GUCY1A2: variants seen among roughly 807,000 people sequenced by gnomAD.
GUCY1A2 encodes guanylate cyclase soluble subunit alpha-2.
A neutral mutation model predicts 63.5 loss-of-function variants in GUCY1A2; 27 were observed. The observed-to-expected ratio is 0.43, with a 90% CI of 0.31 to 0.59. The LOEUF (loss-of-function observed/expected upper bound fraction) is 0.59. Ranked by LOEUF, GUCY1A2 falls within the 20% of genes least tolerant of loss-of-function variation. The probability of loss-of-function intolerance (pLI) is 0.11; values close to 1 mark genes in which losing one functional copy is unlikely to be tolerated. For missense variants in GUCY1A2, 768 were observed against 913.3 expected, an observed-to-expected ratio of 0.84 and a Z score of 2.05; for synonymous variants, 364 against 343.5, an observed-to-expected ratio of 1.06 and a Z score of -0.66.
chr11:106,894,324 G>A (rs1255868617), intron 4 of GUCY1A2, among the ~76,000 whole-genome samples: 1 of 152,164 alleles, frequency 6.6e-6, no homozygotes, highest in Admixed American at 6.5e-5. Context: ...TAAAAGTTTA[G>A]GGAGAAATAG....
At chr11:106,756,706 C>T (rs139222778) in intron 6 of GUCY1A2, among the ~76,000 whole-genome samples, 4,882 of 152,188 alleles carry the variant, frequency 0.032, 83 homozygotes, top group African/African-American at 0.041. Flanking sequence ...GGGTTTTTGC[C>T]GAGAGATCTG....
chr11:106,988,470 AT>A (rs1216442341), intron 1 of GUCY1A2, among the ~76,000 whole-genome samples: 1 of 151,670 alleles, frequency 6.6e-6, no homozygotes, highest in East Asian at 1.9e-4. Context: ...ACAAAAGGAC[AT>A]TTTTTTTTCT....
chr11:106,968,269 T>A (rs1861151078), intron 3 of GUCY1A2, among the ~76,000 whole-genome samples: 1 of 152,204 alleles, frequency 6.6e-6, no homozygotes, highest in African/African-American at 2.4e-5. Context: ...TATTTCTTAA[T>A]GTCTCTCGAT....
chr11:106,964,471 CA>C (rs1861101123), intron 3 of GUCY1A2, among the ~76,000 whole-genome samples: 1 of 152,154 alleles, frequency 6.6e-6, no homozygotes, highest in Non-Finnish European at 1.5e-5. Flanking sequence ...AAGAGAAAGA[CA>C]TGTAAACAAT....
intron 6 of GUCY1A2, among the ~76,000 whole-genome samples, chr11:106,774,173 A>G (rs1941824): frequency 0.95 from 144,751 of 151,906 alleles, 69,037 homozygotes; most frequent in East Asian, 1. Context: ...TCGCTCTGTC[A>G]CCCAGGCTGG....
chr11:106,704,760 G>A lies in GUCY1A2; in HGVS notation c.1991+3752C>T, dbSNP rs571888153. 1.4e-3 allele frequency among the ~76,000 whole-genome samples: 217 copies of A among 152,042 alleles called. No homozygotes were observed. The Middle Eastern group carries it at 0.017, about 12-fold the overall frequency. On this transcript the variant is annotated intron_variant, in intron 7 of 7. Transcript: ENST00000526355. ...ATCATTTATTTCAAAATTTGCTAAA[G>A]CCATCCTTCATATAAGCAATTATTT... is the stretch of plus-strand genomic sequence containing the variant.
chr11:106,959,351 T>G (rs574403818), intron 3 of GUCY1A2, among the ~76,000 whole-genome samples: 3 of 152,334 alleles, frequency 2.0e-5, no homozygotes, highest in African/African-American at 7.2e-5. Context: ...GGCTTCTCTT[T>G]TCTTTTGTAA....
At chr11:106,792,615 T>C (rs1864684434) in intron 5 of GUCY1A2, among the ~76,000 whole-genome samples, 1 of 152,044 alleles carries the variant, frequency 6.6e-6, no homozygotes, top group Non-Finnish European at 1.5e-5. Context: ...GGAACATACC[T>C]CAAAATAATA....
At chr11:106,920,171 G>A (rs1472646475) in intron 4 of GUCY1A2, among the ~76,000 whole-genome samples, 1 of 151,252 alleles carries the variant, frequency 6.6e-6, no homozygotes, top group African/African-American at 2.4e-5. Context: ...ACACACACAC[G>A]CACACACCAG....
intron 6 of GUCY1A2, among the ~76,000 whole-genome samples, chr11:106,754,331 A>G (rs1345295010): frequency 6.6e-6 from 1 of 152,040 alleles, no homozygotes; most frequent in African/African-American, 2.4e-5. Flanking sequence ...TCTCTTCCTA[A>G]CTGATTACTC....
intron 1 of GUCY1A2, among the ~76,000 whole-genome samples, chr11:107,010,970 T>C (rs1355808993): frequency 6.6e-6 from 1 of 152,134 alleles, no homozygotes; most frequent in Non-Finnish European, 1.5e-5. Flanking sequence ...CCTCAGGCAA[T>C]CCATCTGCCT....
chr11:106,870,109 G>A (rs372720016), intron 4 of GUCY1A2, among the ~76,000 whole-genome samples: 1 of 131,702 alleles, frequency 7.6e-6, no homozygotes, highest in African/African-American at 2.8e-5. Flanking sequence ...CTCTTGTGAG[G>A]GGGGGGGAGG....
intron 3 of GUCY1A2, 29 bp downstream of exon 3, chr11:106,978,590 A>G: frequency 7.3e-7 from 1 of 1,372,156 alleles, no homozygotes; most frequent in Non-Finnish European, 1.0e-6. Context: ...ATTCTCTCTC[A>G]TCCATATAAA....
At position 106,957,960 on chromosome 11, in the gene GUCY1A2, T is replaced by G. The variant is rs1861012109; in HGVS notation, c.488-17782A>C. Among the ~76,000 whole-genome samples, 4 of 150,976 alleles carry G rather than the reference T, an allele frequency of 2.6e-5. No homozygotes were observed. The South Asian group carries it at 8.4e-4, about 32-fold the overall frequency. Reference sequence around the variant, plus strand: ...CTAAAATTTTTTTCAATTTTCCTATTGAATTAGGTAATAAATACTTAGCCA... The same window carrying G: ...CTAAAATTTTTTTCAATTTTCCTATGGAATTAGGTAATAAATACTTAGCCA... On this transcript the variant is annotated intron_variant, in intron 3 of 7. Coordinates refer to ENST00000526355, the MANE Select transcript of GUCY1A2 (RefSeq NM_000855.3).
At chr11:106,988,115 T>C (rs1861424932) in intron 1 of GUCY1A2, among the ~76,000 whole-genome samples, 1 of 152,100 alleles carries the variant, frequency 6.6e-6, no homozygotes. Flanking sequence ...GAAAGAAAAA[T>C]CATTCCTGAA....
At chr11:107,013,693 G>A (rs868839725) in intron 1 of GUCY1A2, among the ~76,000 whole-genome samples, 7 of 152,086 alleles carry the variant, frequency 4.6e-5, no homozygotes, top group South Asian at 2.1e-4. Context: ...GATTACAGGC[G>A]TGCATCATCA....
At chr11:106,691,115 G>A (rs193113320) in intron 7 of GUCY1A2, among the ~76,000 whole-genome samples, 1 of 152,214 alleles carries the variant, frequency 6.6e-6, no homozygotes. Flanking sequence ...GTAATATATA[G>A]GTGTCAATCA....
At chr11:106,956,829 T>C (rs1315101535) in intron 3 of GUCY1A2, among the ~76,000 whole-genome samples, 2 of 152,172 alleles carry the variant, frequency 1.3e-5, no homozygotes, top group African/African-American at 4.8e-5. Flanking sequence ...TATGTTTCAC[T>C]AGGGGAAAAC....
chr11:106,776,350 T>C, intron 6 of GUCY1A2, 89 bp downstream of exon 6: 1 of 1,042,892 alleles, frequency 9.6e-7, no homozygotes, highest in Admixed American at 2.1e-5. Flanking sequence ...GATCTATAAA[T>C]TACAAAAAGT....
Sources: allele counts gnomAD v4.1 joint callset (sites outside exome capture counted in the v4.1 genomes callset), GRCh38; gene constraint gnomAD v4.1.1; transcripts MANE v1.5; gene names NCBI Gene and HGNC (gene_info 2026-07-23, HGNC 2026-07-21).